CNOT9: variants seen among roughly 807,000 people sequenced by gnomAD.
CNOT9 encodes the protein CCR4-NOT transcription complex subunit 9.
In CNOT9, 8 loss-of-function variants were observed where a neutral mutation model predicts 37.4. The ratio of observed to expected loss-of-function variants is 0.21; its 90% CI spans 0.13 to 0.39. CNOT9 has a LOEUF of 0.39. Ranked by LOEUF, CNOT9 falls within the 10% of genes least tolerant of loss-of-function variation. The probability of loss-of-function intolerance (pLI) is 1.00; values close to 1 mark genes in which losing one functional copy is unlikely to be tolerated. For missense variants in CNOT9, 154 were observed against 365.3 expected (o/e 0.42, Z 4.71); for synonymous variants, 120 against 137.6 (o/e 0.87, Z 0.90).
At chr2:218,590,843 AAG>A (rs1694750358) in intron 5 of CNOT9, among the ~76,000 whole-genome samples, 2 of 151,656 alleles carry the variant, frequency 1.3e-5, no homozygotes, top group East Asian at 1.9e-4. Flanking sequence ...TGTTTGTTTT[AAG>A]AGATGGGGTT....
chr2:218,578,163 A>G (rs1040727463), intron 1 of CNOT9, among the ~76,000 whole-genome samples: 4 of 152,250 alleles, frequency 2.6e-5, no homozygotes, highest in Non-Finnish European at 5.9e-5. Flanking sequence ...TTAAGAGCCT[A>G]TGATTGATTC....
At chr2:218,572,664 C>T in intron 1 of CNOT9, 2 of 985,048 alleles carry the variant, frequency 2.0e-6, no homozygotes, top group Non-Finnish European at 2.4e-6. Context: ...CTTTGCATGC[C>T]ATAGGTATTC....
At chr2:218,579,295 TTTTTA>T (rs1208593140) in intron 1 of CNOT9, among the ~76,000 whole-genome samples, 3 of 152,224 alleles carry the variant, frequency 2.0e-5, no homozygotes, top group African/African-American at 7.2e-5. Context: ...GTATATGTAT[TTTTTA>T]TTTTTATATG....
intron 1 of CNOT9, among the ~76,000 whole-genome samples, chr2:218,579,343 T>G (rs1329859874): frequency 6.6e-6 from 1 of 152,268 alleles, no homozygotes; most frequent in Non-Finnish European, 1.5e-5. Flanking sequence ...TTATATGCTC[T>G]TCTGTAACCC....
chr2:218,594,141 C>T lies in CNOT9; in HGVS notation c.765C>T (p.Asp255=), dbSNP rs764266790. The change falls in exon 8 of 8, where the codon GAC becomes GAT. Residue 255 remains aspartate, a synonymous_variant. Transcript: ENST00000273064. ...AAGCACTCAGACAGTGCCTCCCTGACCAGCTGAAAGACACAACCTTCGCCC... is the reference window on the plus strand; with the variant it reads ...AAGCACTCAGACAGTGCCTCCCTGATCAGCTGAAAGACACAACCTTCGCCC... ...AREALRQCLP[D]QLKDTTFAQV... 2 of 1,614,212 alleles carry T rather than the reference C, an allele frequency of 1.2e-6. No homozygotes were observed. The highest frequency in any genetic ancestry group is 1.7e-6 in the Non-Finnish European group (2 of 1,180,028).
intron 5 of CNOT9, among the ~76,000 whole-genome samples, chr2:218,590,811 T>C (rs935376225): frequency 3.3e-4 from 50 of 152,018 alleles, no homozygotes; most frequent in African/African-American, 1.2e-3. Flanking sequence ...TTGTTGTTGT[T>C]GTTGTTGTTG....
At position 218,592,524 on chromosome 2, in the gene CNOT9, AT is replaced by A. The variant is rs1259009236; in HGVS notation, c.640-90del. On this transcript the variant is annotated intron_variant, in intron 6 of 7. Coordinates refer to ENST00000273064, the MANE Select transcript of CNOT9 (RefSeq NM_005444.3). The surrounding 1 kb of genome is among the most constrained non-coding windows in gnomAD (Gnocchi z 4.1). ...ACTAACAATTTTGGAACCTTTTATG[AT>A]TCTTGGACTATCTGATCTCTGATGT... 5.7e-5 allele frequency: 86 copies of A among 1,504,020 alleles called. 1 individual carries two copies. The highest frequency in any genetic ancestry group is 7.3e-5 in the Non-Finnish European group (79 of 1,079,808). 93.2% of individuals were successfully genotyped at this position (1,504,020 alleles called of 1,614,324 possible).
At chr2:218,582,795 A>G (rs1429486254) in intron 2 of CNOT9, among the ~76,000 whole-genome samples, 176 bp from the exon 3 acceptor site, 1 of 151,994 alleles carries the variant, frequency 6.6e-6, no homozygotes, top group Non-Finnish European at 1.5e-5. Flanking sequence ...CAGCCAAGTA[A>G]GTTTGTGATG....
intron 1 of CNOT9, among the ~76,000 whole-genome samples, chr2:218,577,965 T>A (rs1480345813): frequency 6.6e-6 from 1 of 152,218 alleles, no homozygotes; most frequent in Non-Finnish European, 1.5e-5. Flanking sequence ...GCTGAGCGTC[T>A]AAGGTGATGT....
chr2:218,576,880 C>T (rs486076), intron 1 of CNOT9, among the ~76,000 whole-genome samples: 100,421 of 151,528 alleles, frequency 0.66, 33,718 homozygotes, highest in East Asian at 0.9. Context: ...GGCAGAAGAA[C>T]CGCTTGAACC....
At chr2:218,581,397 C>T (rs1240438758) in intron 2 of CNOT9, among the ~76,000 whole-genome samples, 1 of 151,494 alleles carries the variant, frequency 6.6e-6, no homozygotes, top group Non-Finnish European at 1.5e-5. Context: ...ATCTTGAACT[C>T]CTGACCTCGT....
At chr2:218,591,893 T>G (rs1694789347) in intron 5 of CNOT9, among the ~76,000 whole-genome samples, 1 of 152,200 alleles carries the variant, frequency 6.6e-6, no homozygotes. Context: ...CATAGTAACT[T>G]TGTCACTTGG....
At chr2:218,580,863 A>C (rs986723543) in intron 2 of CNOT9, 123 bp downstream of exon 2, 6 of 905,548 alleles carry the variant, frequency 6.6e-6, no homozygotes, top group Non-Finnish European at 1.0e-5. Flanking sequence ...CATTTGTAAG[A>C]ATCTGTTTTA....
rs8192611 is a variant in CNOT9 at position 218,568,899 on chromosome 2, G to T, written c.-56G>T. On this transcript the variant is annotated 5_prime_UTR_variant, in exon 1 of 8. Coordinates refer to ENST00000273064, the MANE Select transcript of CNOT9 (RefSeq NM_005444.3). ...GTTTTCCGCTGCAGGGGTGCTGAAG[G>T]GGGGACGCGGGTCGGACGCGTCCGG... 16 of 1,585,862 alleles carry T rather than the reference G, an allele frequency of 1.0e-5. No individual in the cohort carries two copies. The highest frequency in any genetic ancestry group is 4.5e-5 in the South Asian group (4 of 88,412).
At chr2:218,575,283 G>A (rs528829677) in intron 1 of CNOT9, among the ~76,000 whole-genome samples, 7 of 152,006 alleles carry the variant, frequency 4.6e-5, no homozygotes, top group South Asian at 4.1e-4. Context: ...TACATTGCAG[G>A]AACTCTGTGA....
At chr2:218,588,301 T>C (rs927813846) in intron 5 of CNOT9, among the ~76,000 whole-genome samples, 5 of 151,664 alleles carry the variant, frequency 3.3e-5, no homozygotes, top group East Asian at 1.9e-4. Context: ...TTTTTTTTTT[T>C]TCTCTGAGAT....
intron 1 of CNOT9, 104 bp from the exon 2 acceptor site, chr2:218,580,457 C>A: frequency 3.2e-6 from 3 of 930,462 alleles, no homozygotes; most frequent in Non-Finnish European, 4.7e-6. Flanking sequence ...AGAAACGCTC[C>A]CCTGGTATTC....
At position 218,587,619 on chromosome 2, in the gene CNOT9, T is replaced by C. The variant is rs1694636692; in HGVS notation, c.464T>C (p.Ile155Thr). The part of the protein sequence containing the change: ...ALVKTDEQEV[I>T]NFLLTTEIIP... ...GTGAAAACAGATGAACAAGAAGTAA[T>C]CAACTTTTTATTAACAACAGAAATT... The change falls in exon 5 of 8, where the codon ATC becomes ACC. Residue 155 changes from isoleucine (I) to threonine (T), a missense_variant. Ile to Thr is a moderately conservative substitution (Grantham distance 89). Transcript: ENST00000273064. 6.2e-7 allele frequency: 1 copy of C among 1,608,598 alleles called. No homozygotes were observed. Among genetic ancestry groups the C allele is most frequent in the African/African-American group, 1.3e-5 (1 of 74,762 alleles).
Position 218,592,411 on chromosome 2 carries a change from T to G in CNOT9, c.639+9T>G, listed in dbSNP as rs757349787. On this transcript the variant is annotated intron_variant, in intron 6 of 7. Transcript: ENST00000273064. This position sits in a 1 kb window ranked among gnomAD's most constrained non-coding sequence, Gnocchi z 4.1. ...ATGTTGCCATGATCTTGGTGAGTTC[T>G]TTCATCTATCCCCTTTACAACTACT... 3.7e-6 allele frequency: 6 copies of G among 1,604,902 alleles called. No homozygotes were observed. In the East Asian group the frequency reaches 1.1e-4, roughly 30 times the overall value.
Sources: gnomAD v4.1 joint callset for allele counts (sites outside exome capture counted in the v4.1 genomes callset) on GRCh38, gnomAD v4.1.1 for gene constraint, Gnocchi (gnomAD v3.1) non-coding constraint, MANE v1.5 for transcripts, NCBI Gene and HGNC (gene_info 2026-07-23, HGNC 2026-07-21) for gene names.